AGBL4: variants seen among roughly 807,000 people sequenced by gnomAD.
AGBL4 encodes cytosolic carboxypeptidase 6.
AGBL4 carries 58 observed loss-of-function variants against 66.4 expected under a neutral mutation model. The observed-to-expected ratio is 0.87, with a 90% CI of 0.71 to 1.09. The LOEUF (loss-of-function observed/expected upper bound fraction) is 1.09, where lower values mean the gene tolerates loss of function less well. Ranked by LOEUF, AGBL4 falls within the 50% of genes least tolerant of loss-of-function variation. The pLI, the probability that AGBL4 is intolerant of heterozygous loss-of-function variation, is 0.00. For synonymous variants in AGBL4, 234 were observed against 222.9 expected (o/e 1.05, Z -0.44); for missense variants, 579 against 631.0 (o/e 0.92, Z 0.88).
intron 3 of AGBL4, among the ~76,000 whole-genome samples, chr1:49,504,595 CTTCT>C (rs1463756117): frequency 1.3e-5 from 2 of 151,882 alleles, no homozygotes; most frequent in Non-Finnish European, 2.9e-5. Flanking sequence ...TACATAATGT[CTTCT>C]TTGTCTATTT....
At chr1:49,145,542 C>T (rs1039823735) in intron 4 of AGBL4, among the ~76,000 whole-genome samples, 1 of 152,046 alleles carries the variant, frequency 6.6e-6, no homozygotes, top group East Asian at 1.9e-4. Context: ...ATTTGTGTCC[C>T]TATTTTATAG....
intron 2 of AGBL4, among the ~76,000 whole-genome samples, chr1:49,704,406 A>G (rs1647162225): frequency 6.6e-6 from 1 of 152,112 alleles, no homozygotes; most frequent in African/African-American, 2.4e-5. Flanking sequence ...GTAATGTTCA[A>G]TATAAATAAT....
Position 49,364,425 on chromosome 1 carries a change from A to G in AGBL4, c.283-118561T>C, listed in dbSNP as rs369058224. On this transcript the variant is annotated intron_variant, in intron 3 of 13. Transcript: ENST00000371839. ...CTGTATTATTTATAGAGTACTATGTACCAACAAGTACTTTAATTATCTAAT... is the reference window on the plus strand; with the variant it reads ...CTGTATTATTTATAGAGTACTATGTGCCAACAAGTACTTTAATTATCTAAT... Among the ~76,000 whole-genome samples, 288 of 152,226 alleles carry G rather than the reference A, an allele frequency of 1.9e-3. 2 individuals carry two copies. Among genetic ancestry groups the G allele is most frequent in the South Asian group, 1.0e-2 (48 of 4,808 alleles).
In AGBL4 at chr1:48,539,631, C is replaced by T. The variant is rs1186344415; in HGVS notation, c.1364+11G>A. ...GAACTCAAGCCGAAACCTCTCTGCT[C>T]TGCCACTTACCGCAGTCTCGGCATG... is the stretch of plus-strand genomic sequence containing the variant. On this transcript the variant is annotated intron_variant, in intron 12 of 13. Coordinates refer to ENST00000371839, the MANE Select transcript of AGBL4 (RefSeq NM_032785.4). 1.5e-5 allele frequency: 23 copies of T among 1,528,662 alleles called. No homozygotes were observed. In the Admixed American group the frequency reaches 3.2e-4, roughly 22 times the overall value. 94.7% of individuals were successfully genotyped at this position (1,528,662 alleles called of 1,614,324 possible). A position where few individuals can be genotyped will look rare whatever the true frequency, so the allele number is the denominator to read the frequency against.
chr1:49,388,416 G>A (rs1644780703), intron 3 of AGBL4, among the ~76,000 whole-genome samples: 1 of 152,064 alleles, frequency 6.6e-6, no homozygotes. Context: ...GATCCCTGCT[G>A]TAGTACTTTC....
chr1:48,524,913 A>G, the AGBL4 span, among the ~76,000 whole-genome samples: 1 of 148,464 alleles, frequency 6.7e-6, no homozygotes, highest in Admixed American at 6.8e-5. Flanking sequence ...AACTTCCTAT[A>G]TGGGCCTATA....
chr1:49,848,825 T>C (rs560631468), intron 2 of AGBL4, among the ~76,000 whole-genome samples: 2 of 152,268 alleles, frequency 1.3e-5, no homozygotes, highest in South Asian at 4.1e-4. Flanking sequence ...AAACTTTAGG[T>C]GCTAATGATG....
chr1:49,198,933 A>G (rs530276274), intron 4 of AGBL4, among the ~76,000 whole-genome samples: 1 of 152,152 alleles, frequency 6.6e-6, no homozygotes, highest in South Asian at 2.1e-4. Flanking sequence ...TGTGCTTGGT[A>G]TGAATTTGTA....
intron 5 of AGBL4, among the ~76,000 whole-genome samples, chr1:48,982,277 T>C (rs1244592331): frequency 6.6e-6 from 1 of 152,202 alleles, no homozygotes; most frequent in East Asian, 1.9e-4. Context: ...ACATGTGCCA[T>C]GTTAATGTGC....
intron 3 of AGBL4, chr1:49,374,348 A>T (rs1446603806): frequency 2.0e-5 from 3 of 149,156 alleles, no homozygotes; most frequent in African/African-American, 7.3e-5. Context: ...CAGAATCCTA[A>T]AAAAAAAAAA....
At chr1:49,670,221 G>C (rs867526003) in intron 3 of AGBL4, among the ~76,000 whole-genome samples, 1 of 152,120 alleles carries the variant, frequency 6.6e-6, no homozygotes, top group African/African-American at 2.4e-5. Flanking sequence ...CTTGCTTGAA[G>C]CTACTCCCAT....
At position 48,730,403 on chromosome 1, in the gene AGBL4, G is replaced by A. The variant is rs536713097; in HGVS notation, c.635-67162C>T. Among the ~76,000 whole-genome samples the A allele has an allele frequency of 2.4e-3, 361 of 152,074 alleles. 3 individuals are homozygous for A. The South Asian group carries it at 0.027, about 11-fold the overall frequency. ...TCTGGGTCTCGGTTTCACTATCTACGAAAGTAGCATTTCAAACCAGAGAAT... is the reference window on the plus strand; with the variant it reads ...TCTGGGTCTCGGTTTCACTATCTACAAAAGTAGCATTTCAAACCAGAGAAT... On this transcript the variant is annotated intron_variant, in intron 6 of 13. Coordinates refer to ENST00000371839, the MANE Select transcript of AGBL4 (RefSeq NM_032785.4).
At chr1:48,879,873 A>G (rs1001550633) in intron 5 of AGBL4, among the ~76,000 whole-genome samples, 2 of 152,218 alleles carry the variant, frequency 1.3e-5, no homozygotes, top group African/African-American at 4.8e-5. Flanking sequence ...ATCATAGTAT[A>G]CAGTATTACT....
At chr1:48,603,340 C>T (rs1450578755) in intron 9 of AGBL4, among the ~76,000 whole-genome samples, 1 of 152,150 alleles carries the variant, frequency 6.6e-6, no homozygotes. Flanking sequence ...TGTGGTAGTG[C>T]ATGCCTGTAA....
At chr1:49,124,299 G>A (rs1295105598) in intron 4 of AGBL4, among the ~76,000 whole-genome samples, 1 of 152,168 alleles carries the variant, frequency 6.6e-6, no homozygotes, top group Non-Finnish European at 1.5e-5. Context: ...ATAATCAGCA[G>A]AATGAAGAAC....
At chr1:48,609,492 G>A in intron 9 of AGBL4, among the ~76,000 whole-genome samples, 1 of 152,172 alleles carries the variant, frequency 6.6e-6, no homozygotes, top group East Asian at 1.9e-4. Flanking sequence ...AACCATCACA[G>A]CTCACTGCAG....
intron 1 of AGBL4, among the ~76,000 whole-genome samples, chr1:49,983,442 T>G (rs955144464): frequency 1.3e-5 from 2 of 152,222 alleles, no homozygotes; most frequent in Non-Finnish European, 2.9e-5. Flanking sequence ...TGGGACCCCA[T>G]GCTCACTTGC....
rs114874934 is a variant in AGBL4, at chr1:49,678,866, G to T, written c.282+18447C>A. On this transcript the variant is annotated intron_variant, in intron 3 of 13. Transcript: ENST00000371839. ...TTGGAATTTCCTAAAATTTTTTAAG[G>T]TGTATTTAATGTCCCAGGATATGGT... Among the ~76,000 whole-genome samples the T allele has an allele frequency of 8.7e-3, 1,319 of 151,940 alleles. 13 individuals carry two copies. Among genetic ancestry groups the T allele is most frequent in the Non-Finnish European group, 0.014 (975 of 67,924 alleles).
intron 3 of AGBL4, among the ~76,000 whole-genome samples, chr1:49,677,380 A>G (rs1646601726): frequency 6.6e-6 from 1 of 152,020 alleles, no homozygotes; most frequent in South Asian, 2.1e-4. Context: ...TCTTTAGCAT[A>G]TTTATGTGAT....
Sources: allele counts gnomAD v4.1 joint callset (sites outside exome capture counted in the v4.1 genomes callset), GRCh38; gene constraint gnomAD v4.1.1; transcripts MANE v1.5; gene names NCBI Gene and HGNC (gene_info 2026-07-23, HGNC 2026-07-21).